Variants in ACADM observed in about 807,000 individuals in gnomAD.
The protein encoded by ACADM is acyl-CoA dehydrogenase medium chain.
ACADM carries 49 observed loss-of-function variants against 58.9 expected under a neutral mutation model. That is an observed-to-expected ratio of 0.83 (90% confidence interval 0.66 to 1.06). ACADM has a LOEUF of 1.06. Ranked by LOEUF, ACADM falls within the 50% of genes least tolerant of loss-of-function variation. The pLI, the probability that ACADM is intolerant of heterozygous loss-of-function variation, is 0.00. For synonymous variants in ACADM, 160 were observed against 157.7 expected, an observed-to-expected ratio of 1.01 and a Z score of -0.11; for missense variants, 496 against 507.0, an observed-to-expected ratio of 0.98 and a Z score of 0.21.
chr1:75,744,353 T>G (rs1237288864), intron 7 of ACADM: 1 of 1,599,578 alleles, frequency 6.3e-7, no homozygotes, highest in Non-Finnish European at 8.6e-7. Flanking sequence ...TTCCTGAGTG[T>G]GAAAAGCGGA....
At chr1:75,755,650 G>C (rs979250556) in intron 10 of ACADM, among the ~76,000 whole-genome samples, 19 of 152,312 alleles carry the variant, frequency 1.2e-4, no homozygotes, top group East Asian at 9.6e-4. Context: ...AACCCACAAA[G>C]ATGGGGAGAA....
chr1:75,732,865 C>G lies in ACADM; in HGVS notation c.229C>G (p.Leu77Val). Residue 77 changes from leucine (L) to valine (V), a missense_variant, in exon 4 of 12, where the codon CTA becomes GTA. By Grantham distance (32) the Leu-to-Val change is conservative (BLOSUM62 1). Coordinates refer to ENST00000370841, the MANE Select transcript of ACADM (RefSeq NM_000016.6). Reference protein sequence around the residue: ...YDKTGEYPVPLIRRAWELGLM... With the variant: ...YDKTGEYPVPVIRRAWELGLM... ...CTTTTTCTTCTAGTATCCAGTCCCC[C>G]TAATTAGAAGAGCCTGGGAACTTGG... 1.2e-6 allele frequency: 2 copies of G among 1,613,472 alleles called. No homozygotes were observed. Among genetic ancestry groups the G allele is most frequent in the Non-Finnish European group, 1.7e-6 (2 of 1,179,424 alleles).
chr1:75,761,247 A>G lies in ACADM; in HGVS notation c.1071A>G (p.Ala357=). The part of the protein sequence containing the change: ...GRRNTYYASI[A]KAFAGDIANQ... Reference sequence around the variant, plus strand: ...GAAATACCTATTATGCTTCTATTGCAAAGGCATTTGCTGGAGATATTGCAA... The same window carrying G: ...GAAATACCTATTATGCTTCTATTGCGAAGGCATTTGCTGGAGATATTGCAA... Residue 357 remains alanine (A), a synonymous_variant, in exon 11 of 12, where the codon GCA becomes GCG. Transcript: ENST00000370841. The G allele has an allele frequency of 6.2e-7, 1 of 1,614,190 alleles. No homozygotes were observed. Among genetic ancestry groups the G allele is most frequent in the South Asian group, 1.1e-5 (1 of 91,090 alleles).
chr1:75,756,550 T>A (rs963134183), intron 10 of ACADM, among the ~76,000 whole-genome samples: 5 of 151,914 alleles, frequency 3.3e-5, no homozygotes, highest in African/African-American at 1.2e-4. Flanking sequence ...CACCACTCAA[T>A]GAAATAAAAG....
At chr1:75,736,484 A>C (rs1189341734) in intron 6 of ACADM, among the ~76,000 whole-genome samples, 1 of 152,228 alleles carries the variant, frequency 6.6e-6, no homozygotes, top group Middle Eastern at 3.2e-3. Flanking sequence ...TTAGCTAAAC[A>C]TTCTCACTAT....
chr1:75,747,145 A>G (rs1647945789), intron 8 of ACADM, among the ~76,000 whole-genome samples: 4 of 152,228 alleles, frequency 2.6e-5, no homozygotes, highest in Admixed American at 2.6e-4. Flanking sequence ...GATAGTTGCT[A>G]GCAAACTTGG....
intron 2 of ACADM, among the ~76,000 whole-genome samples, chr1:75,732,149 CA>C (rs11455282): frequency 1.3e-3 from 181 of 141,530 alleles, no homozygotes; most frequent in Non-Finnish European, 1.7e-3. Flanking sequence ...GAGACTGTCT[CA>C]AAAAAAAAAA....
At chr1:75,730,051 T>C (rs1647124037) in intron 2 of ACADM, among the ~76,000 whole-genome samples, 1 of 151,848 alleles carries the variant, frequency 6.6e-6, no homozygotes, top group Non-Finnish European at 1.5e-5. Context: ...TGGGCCACCA[T>C]ACCTGGCTAA....
At chr1:75,745,524 A>G (rs1647845234) in intron 7 of ACADM, 2 of 271,072 alleles carry the variant, frequency 7.4e-6, no homozygotes, top group African/African-American at 3.8e-5. Flanking sequence ...TTGTCTTTCA[A>G]AATATCATAT....
At chr1:75,739,518 T>C (rs1647448265) in intron 6 of ACADM, among the ~76,000 whole-genome samples, 1 of 152,182 alleles carries the variant, frequency 6.6e-6, no homozygotes. Context: ...ATTAAGTGTT[T>C]TTAGGCCAGG....
At chr1:75,746,835 G>A (rs1387950522) in intron 8 of ACADM, among the ~76,000 whole-genome samples, 2 of 152,100 alleles carry the variant, frequency 1.3e-5, no homozygotes, top group African/African-American at 4.8e-5. Context: ...CTGGGCTCAA[G>A]CAATCCTCCC....
intron 10 of ACADM, among the ~76,000 whole-genome samples, chr1:75,754,628 C>T (rs1648394673): frequency 6.6e-6 from 1 of 152,222 alleles, no homozygotes; most frequent in Non-Finnish European, 1.5e-5. Context: ...AGAAAATATA[C>T]AATGATCTGC....
At position 75,744,186 on chromosome 1, in the gene ACADM, G is replaced by A. The variant is rs550084047; in HGVS notation, c.600-1620G>A. ...GCAGTGGGTTTTACTGCAGACACAGGTTTGCTAGAAGGAGGTTGTGAGGGC... is the reference window on the plus strand; with the variant it reads ...GCAGTGGGTTTTACTGCAGACACAGATTTGCTAGAAGGAGGTTGTGAGGGC... On this transcript the variant is annotated intron_variant, in intron 7 of 11. Coordinates refer to ENST00000370841, the MANE Select transcript of ACADM (RefSeq NM_000016.6). The A allele has an allele frequency of 1.9e-6, 3 of 1,572,928 alleles. No individual in the cohort carries two copies. In the South Asian group the frequency reaches 3.3e-5, roughly 17 times the overall value.
At chr1:75,752,236 C>T (rs1005046937) in intron 10 of ACADM, among the ~76,000 whole-genome samples, 3 of 152,252 alleles carry the variant, frequency 2.0e-5, no homozygotes, top group Admixed American at 1.3e-4. Context: ...TCCACCTCAG[C>T]CCCCCATGAG....
At chr1:75,742,481 G>A (rs72686182) in intron 7 of ACADM, among the ~76,000 whole-genome samples, 2,984 of 152,198 alleles carry the variant, frequency 0.02, 45 homozygotes, top group Non-Finnish European at 0.029. Flanking sequence ...CTCAGCCCAC[G>A]GGCTTACAGC....
chr1:75,734,025 G>A (rs891817251), intron 5 of ACADM, among the ~76,000 whole-genome samples: 5 of 152,068 alleles, frequency 3.3e-5, no homozygotes, highest in African/African-American at 7.2e-5. Flanking sequence ...TCACTCTGTC[G>A]CCCAGGCTGG....
chr1:75,737,134 A>G (rs990315247), intron 6 of ACADM, among the ~76,000 whole-genome samples: 1 of 151,066 alleles, frequency 6.6e-6, no homozygotes, highest in African/African-American at 2.4e-5. Context: ...AAATGATCAA[A>G]TAAGAAGCCA....
chr1:75,740,252 C>A, intron 7 of ACADM, 142 bp downstream of exon 7: 1 of 789,486 alleles, frequency 1.3e-6, no homozygotes, highest in Non-Finnish European at 2.0e-6. Flanking sequence ...ATAAACAGTT[C>A]AGTGATTTTC....
At chr1:75,749,388 A>C in intron 8 of ACADM, 31 bp from the exon 9 acceptor site, 1 of 1,611,260 alleles carries the variant, frequency 6.2e-7, no homozygotes, top group Non-Finnish European at 8.5e-7. Flanking sequence ...CTCAAAAAAA[A>C]TTCCTTAAAA....
Sources: allele counts gnomAD v4.1 joint callset (sites outside exome capture counted in the v4.1 genomes callset), GRCh38; gene constraint gnomAD v4.1.1; transcripts MANE v1.5; gene names NCBI Gene and HGNC (gene_info 2026-07-23, HGNC 2026-07-21).